SYNRG: variants seen among roughly 807,000 people sequenced by gnomAD.
SYNRG encodes synergin gamma, also known as AP1 gamma subunit binding protein 1.
A neutral mutation model predicts 130.9 loss-of-function variants in SYNRG; 37 were observed. That is an observed-to-expected ratio of 0.28 (90% CI 0.22 to 0.37). The LOEUF (loss-of-function observed/expected upper bound fraction) is 0.37, where lower values mean the gene tolerates loss of function less well. Ranked by LOEUF, SYNRG falls within the 10% of genes least tolerant of loss-of-function variation. The probability of loss-of-function intolerance (pLI) is 1.00; values close to 1 mark genes in which losing one functional copy is unlikely to be tolerated. For synonymous variants in SYNRG, 539 were observed against 568.1 expected (o/e 0.95, Z 0.73); for missense variants, 1,338 against 1,588.9 (o/e 0.84, Z 2.68).
rs1481557818 is a variant in SYNRG, at chr17:37,515,823, C to A, written c.*3117G>T. 1.3e-5 allele frequency: 2 copies of A among 152,168 alleles called. No individual in the cohort carries two copies. Among genetic ancestry groups the A allele is most frequent in the African/African-American group, 4.8e-5 (2 of 41,428 alleles). 9.4% of individuals were successfully genotyped at this position (152,168 alleles called of 1,614,324 possible). On this transcript the variant is annotated 3_prime_UTR_variant, in exon 22 of 22. Coordinates refer to ENST00000612223, the MANE Select transcript of SYNRG (RefSeq NM_007247.6). ...CATTTCCTATTTCTGTAACATACAG[C>A]CCTATAATCTTTGCAAAGCTGAAGT...
Position 37,570,809 on chromosome 17 carries a change from G to C in SYNRG, c.1175C>G (p.Ser392Cys), listed in dbSNP as rs2060371839. 1.8e-5 allele frequency: 29 copies of C among 1,614,228 alleles called. No individual in the cohort carries two copies. The highest frequency in any genetic ancestry group is 2.5e-5 in the Non-Finnish European group (29 of 1,180,038). The change falls in exon 10 of 22, where the codon TCT (serine) becomes TGT (cysteine). Residue 392 changes from serine (S) to cysteine (C), a missense_variant. By Grantham distance (112) the Ser-to-Cys change is moderately radical. Transcript: ENST00000612223. ...AAPIPTLSGF[S>C]MTLPTPVSQP... ...ACTCACCGGTGTAGGCAGAGTCATA[G>C]AAAAGCCACTTAAAGTTGGAATAGG... is the stretch of plus-strand genomic sequence containing the variant.
intron 10 of SYNRG, among the ~76,000 whole-genome samples, chr17:37,569,671 T>A (rs896542983): frequency 9.4e-3 from 477 of 50,900 alleles, no homozygotes; most frequent in Middle Eastern, 0.024. Context: ...AAAAAAAAAC[T>A]AAAAAGGAAA....
At chr17:37,543,125 C>T (rs2057925457) in intron 14 of SYNRG, among the ~76,000 whole-genome samples, 3 of 152,108 alleles carry the variant, frequency 2.0e-5, no homozygotes, top group South Asian at 4.1e-4. Flanking sequence ...TCAGGCAATG[C>T]CAAACATGAG....
intron 19 of SYNRG, chr17:37,529,772 C>T (rs1056321764): frequency 1.9e-5 from 29 of 1,550,740 alleles, no homozygotes; most frequent in Admixed American, 5.9e-5. Context: ...TACGCCTGGT[C>T]TCTGTGATAC....
chr17:37,519,681 C>CA (rs1252726240), intron 21 of SYNRG, among the ~76,000 whole-genome samples: 1 of 152,124 alleles, frequency 6.6e-6, no homozygotes, highest in Non-Finnish European at 1.5e-5. Flanking sequence ...GCATTAAACA[C>CA]ATAAGAATTA....
chr17:37,532,517 A>G (rs1446612557), intron 19 of SYNRG, among the ~76,000 whole-genome samples: 3 of 152,034 alleles, frequency 2.0e-5, no homozygotes, highest in East Asian at 1.9e-4. Flanking sequence ...TACTAAAAAT[A>G]CAAAAACTAG....
In SYNRG at chr17:37,572,964, C is replaced by T. The variant is rs561189753; in HGVS notation, c.902-977G>A. 2.6e-5 allele frequency among the ~76,000 whole-genome samples: 4 copies of T among 152,216 alleles called. No homozygotes were observed. In the South Asian group the frequency reaches 8.3e-4, roughly 32 times the overall value. On this transcript the variant is annotated intron_variant, in intron 8 of 21. Coordinates refer to ENST00000612223, the MANE Select transcript of SYNRG (RefSeq NM_007247.6). The stretch of plus-strand genomic sequence containing the variant: ...TGAAATTCAAATTTAACTGGGCATC[C>T]TGTATGGTTATTTACTAAATGTAGC...
intron 1 of SYNRG, among the ~76,000 whole-genome samples, chr17:37,606,645 TGATTA>T (rs747021367): frequency 1.3e-5 from 2 of 152,100 alleles, no homozygotes; most frequent in Non-Finnish European, 2.9e-5. Context: ...TTTTCTGCCT[TGATTA>T]AAGAAAAAAA....
At chr17:37,601,438 T>C (rs1370766522) in intron 1 of SYNRG, among the ~76,000 whole-genome samples, 1 of 152,214 alleles carries the variant, frequency 6.6e-6, no homozygotes, top group Non-Finnish European at 1.5e-5. Context: ...ATTGTTATTG[T>C]GGTAACATAT....
intron 19 of SYNRG, among the ~76,000 whole-genome samples, chr17:37,522,807 A>C (rs1369949925): frequency 6.6e-6 from 1 of 151,344 alleles, no homozygotes; most frequent in Non-Finnish European, 1.5e-5. Flanking sequence ...CACCTGGCTA[A>C]TTTTTGTATT....
At chr17:37,526,231 C>T (rs768364272) in intron 19 of SYNRG, among the ~76,000 whole-genome samples, 4 of 152,280 alleles carry the variant, frequency 2.6e-5, no homozygotes, top group Non-Finnish European at 5.9e-5. Flanking sequence ...CAGCTATGTT[C>T]CACATGGTGG....
intron 16 of SYNRG, 100 bp downstream of exon 16, chr17:37,540,280 C>T (rs1321762678): frequency 2.2e-6 from 3 of 1,371,158 alleles, no homozygotes; most frequent in African/African-American, 1.5e-5. Context: ...TGTCTTTCTG[C>T]CCCTCATTTT....
intron 3 of SYNRG, among the ~76,000 whole-genome samples, chr17:37,595,189 G>C (rs2062646433): frequency 6.6e-6 from 1 of 152,096 alleles, no homozygotes; most frequent in East Asian, 1.9e-4. Context: ...AAGTTTTCCT[G>C]ACCCTTTAAA....
At chr17:37,561,695 G>A (rs2059546445) in intron 11 of SYNRG, 106 bp from the exon 12 acceptor site, 5 of 741,610 alleles carry the variant, frequency 6.7e-6, no homozygotes, top group Non-Finnish European at 2.3e-6. Flanking sequence ...AAAACTCATG[G>A]CTCTCTGCTT....
chr17:37,524,094 CGAG>C (rs1568253840), intron 19 of SYNRG, among the ~76,000 whole-genome samples: 1 of 152,092 alleles, frequency 6.6e-6, no homozygotes, highest in Non-Finnish European at 1.5e-5. Flanking sequence ...GCAGGGGAAG[CGAG>C]GGCTCTGTGG....
At chr17:37,545,432 A>G (rs542026232) in intron 14 of SYNRG, among the ~76,000 whole-genome samples, 67 of 152,238 alleles carry the variant, frequency 4.4e-4, no homozygotes, top group Non-Finnish European at 7.5e-4. Context: ...CAAATGATAA[A>G]TTTAATGAAA....
chr17:37,607,955 C>CAAAAAAAAAAAAAAAAA (rs67822733), intron 1 of SYNRG, among the ~76,000 whole-genome samples: 1 of 51,124 alleles, frequency 2.0e-5, no homozygotes, highest in African/African-American at 5.4e-5. Context: ...GACTTCCTCT[C>CAAAAAAAAAAAAAAAAA]AAAAAAAAAA....
intron 9 of SYNRG, among the ~76,000 whole-genome samples, chr17:37,571,452 G>A (rs2060427356): frequency 6.6e-6 from 1 of 151,984 alleles, no homozygotes. Context: ...CATGGTGGTG[G>A]GTGCCTGTAA....
At chr17:37,583,089 C>A (rs1159019756) in intron 6 of SYNRG, among the ~76,000 whole-genome samples, 1 of 151,460 alleles carries the variant, frequency 6.6e-6, no homozygotes, top group Admixed American at 6.6e-5. Context: ...CTCCCAGGTT[C>A]AAGCTATTCT....
Sources: allele counts gnomAD v4.1 joint callset (sites outside exome capture counted in the v4.1 genomes callset), GRCh38; gene constraint gnomAD v4.1.1; transcripts MANE v1.5; gene names NCBI Gene and HGNC (gene_info 2026-07-23, HGNC 2026-07-21).